USP34: variants seen among roughly 807,000 people sequenced by gnomAD.
USP34 encodes the protein ubiquitin carboxyl-terminal hydrolase 34.
USP34 carries 70 observed loss-of-function variants against 460.3 expected under a neutral mutation model. That is an observed-to-expected ratio of 0.15 (90% CI 0.13 to 0.19). The LOEUF (loss-of-function observed/expected upper bound fraction) is 0.19, where lower values mean the gene tolerates loss of function less well. Ranked by LOEUF, USP34 falls within the 10% of genes least tolerant of loss-of-function variation. The pLI, the probability that USP34 is intolerant of heterozygous loss-of-function variation, is 1.00. For missense variants in USP34, 3,985 were observed against 4,236.2 expected, an observed-to-expected ratio of 0.94 and a Z score of 1.65; for synonymous variants, 1,647 against 1,405.3, an observed-to-expected ratio of 1.17 and a Z score of -3.85.
intron 5 of USP34, among the ~76,000 whole-genome samples, chr2:61,391,109 A>T (rs530115704): frequency 7.9e-4 from 120 of 151,818 alleles, no homozygotes; most frequent in African/African-American, 2.8e-3. Context: ...AAAAACGAAA[A>T]AATAACACTC....
At position 61,223,042 on chromosome 2, in the gene USP34, C is replaced by A. The variant is rs1432745936; in HGVS notation, c.7749+18G>T. ...TTAAAATTTCCAAAAATCTTTAAGA[C>A]TGTTCCTTAGCACTTACATGTTCTG... On this transcript the variant is annotated intron_variant, in intron 64 of 79. Transcript: ENST00000398571. 2.5e-6 allele frequency: 4 copies of A among 1,596,294 alleles called. No homozygotes were observed. In the Admixed American group the frequency reaches 5.2e-5, roughly 21 times the overall value.
At chr2:61,303,410 A>G (rs1690291372) in intron 27 of USP34, among the ~76,000 whole-genome samples, 2 of 152,062 alleles carry the variant, frequency 1.3e-5, no homozygotes, top group African/African-American at 4.8e-5. Context: ...TACTTGATTT[A>G]GTGTCCTATT....
intron 7 of USP34, among the ~76,000 whole-genome samples, chr2:61,379,725 T>A (rs1359787045): frequency 6.6e-6 from 1 of 152,212 alleles, no homozygotes; most frequent in African/African-American, 2.4e-5. Context: ...GAATACAGAT[T>A]TTCATGTTAC....
At chr2:61,412,393 G>T (rs1195085317) in intron 2 of USP34, among the ~76,000 whole-genome samples, 4 of 151,904 alleles carry the variant, frequency 2.6e-5, no homozygotes, top group Non-Finnish European at 1.5e-5. Context: ...ACACAACAGG[G>T]CATTTTTTGG....
intron 61 of USP34, among the ~76,000 whole-genome samples, chr2:61,227,519 T>A (rs1174227003): frequency 6.6e-6 from 1 of 152,120 alleles, no homozygotes. Context: ...GAGAACAGCC[T>A]GGCCGACATG....
chr2:61,426,557 G>T (rs1219580170), intron 1 of USP34, among the ~76,000 whole-genome samples: 1 of 152,180 alleles, frequency 6.6e-6, no homozygotes, highest in Non-Finnish European at 1.5e-5. Context: ...TGCCAGCTCA[G>T]CCACAATACA....
rs759319975 is a variant in USP34 at position 61,353,878 on chromosome 2, C to T, written c.1252-3185G>A. Among the ~76,000 whole-genome samples the T allele has an allele frequency of 4.5e-4, 68 of 152,200 alleles. 1 individual carries two copies. The highest frequency in any genetic ancestry group is 3.4e-3 in the Middle Eastern group (1 of 294). ...ATTATGGAAATGAAAGGTACAACAACTGAAATGAACAATACACTACACAAG... is the reference window on the plus strand; with the variant it reads ...ATTATGGAAATGAAAGGTACAACAATTGAAATGAACAATACACTACACAAG... On this transcript the variant is annotated intron_variant, in intron 10 of 79. Transcript: ENST00000398571.
intron 71 of USP34, 92 bp downstream of exon 71, chr2:61,206,668 T>C: frequency 6.7e-7 from 1 of 1,493,840 alleles, no homozygotes; most frequent in South Asian, 1.3e-5. Flanking sequence ...TAAACTAGGA[T>C]AAAAACAATT....
At chr2:61,356,892 A>G (rs59477558) in intron 10 of USP34, among the ~76,000 whole-genome samples, 5,289 of 152,312 alleles carry the variant, frequency 0.035, 305 homozygotes, top group African/African-American at 0.12. Context: ...AAGTGTTTTC[A>G]TAAGTTTACT....
intron 11 of USP34, 40 bp downstream of exon 11, chr2:61,350,528 A>G (rs770870599): frequency 6.4e-7 from 1 of 1,569,480 alleles, no homozygotes; most frequent in South Asian, 1.2e-5. Context: ...TTTTCACTTC[A>G]CGGGAAAAAA....
At chr2:61,446,522 G>T (rs182864781) in intron 1 of USP34, among the ~76,000 whole-genome samples, 1 of 152,146 alleles carries the variant, frequency 6.6e-6, no homozygotes, top group Non-Finnish European at 1.5e-5. Flanking sequence ...TAGGCTGGGC[G>T]TGGTAGCTCA....
chr2:61,300,422 C>G (rs1690183778), intron 29 of USP34, among the ~76,000 whole-genome samples: 1 of 150,984 alleles, frequency 6.6e-6, no homozygotes, highest in Non-Finnish European at 1.5e-5. Flanking sequence ...CTCCTGACCT[C>G]GTGATCTGCC....
At chr2:61,229,017 C>A (rs1424854930) in intron 59 of USP34, 22 bp from the exon 60 acceptor site, 6 of 1,513,866 alleles carry the variant, frequency 4.0e-6, no homozygotes, top group Non-Finnish European at 5.3e-6. Context: ...TTAAATAGAT[C>A]TTAGAGAATG....
chr2:61,320,046 G>A (rs1690868099), intron 21 of USP34, among the ~76,000 whole-genome samples: 2 of 152,166 alleles, frequency 1.3e-5, no homozygotes, highest in South Asian at 4.2e-4. Context: ...ACACACTAAG[G>A]AGCACTTCCT....
rs1347427285 is a variant in USP34 at position 61,266,086 on chromosome 2, A to G, written c.5515T>C (p.Ser1839Pro). 6.2e-7 allele frequency: 1 copy of G among 1,614,058 alleles called. No individual in the cohort carries two copies. Among genetic ancestry groups the G allele is most frequent in the Admixed American group, 1.7e-5 (1 of 60,024 alleles). The stretch of plus-strand genomic sequence containing the variant: ...AAATCGTAAGCGGCAGCTCTTGAAG[A>G]ATGTGATTTGCACTTTGGCTGTTGT... ...DRQQPKCKSH[S>P]SRAAAYDLLV... is the part of the protein sequence containing the mutation. Residue 1839 changes from serine to proline, a missense_variant, in exon 42 of 80, where the codon TCT becomes CCT. Physicochemically the swap from Ser to Pro is moderately conservative, Grantham distance 74. This residue lies in a region of USP34 where 1,114 missense variants were observed against 1,122.5 expected (regional missense o/e 0.99). Transcript: ENST00000398571.
At chr2:61,431,386 C>G (rs1466926768) in intron 1 of USP34, among the ~76,000 whole-genome samples, 1 of 152,148 alleles carries the variant, frequency 6.6e-6, no homozygotes, top group Non-Finnish European at 1.5e-5. Flanking sequence ...CCACACTCAA[C>G]TAATTATTAA....
chr2:61,262,250 G>A (rs571566273), intron 43 of USP34, among the ~76,000 whole-genome samples: 6 of 150,012 alleles, frequency 4.0e-5, no homozygotes, highest in Admixed American at 2.0e-4. Flanking sequence ...TAGGTAAACC[G>A]TGTGTCACGT....
At chr2:61,342,852 T>C (rs1241114486) in intron 16 of USP34, among the ~76,000 whole-genome samples, 2 of 152,210 alleles carry the variant, frequency 1.3e-5, no homozygotes, top group African/African-American at 4.8e-5. Flanking sequence ...AGGTAAAATA[T>C]TGATTAAAGG....
chr2:61,301,127 C>T lies in USP34; in HGVS notation c.3952G>A (p.Glu1318Lys). ...AGCTGAACACCTTCCCCTTTCCGCT[C>T]TCTCCTTGGTGCACCCAAAGATACA... Reference protein sequence around the residue: ...VFVSLGAPRRERKGEGVQLPA... With the variant: ...VFVSLGAPRRKRKGEGVQLPA... The change falls in exon 29 of 80, where the codon GAG becomes AAG. Residue 1318 changes from glutamate (E) to lysine (K), a missense_variant. Physicochemically the swap from Glu to Lys is moderately conservative, Grantham distance 56. Transcript: ENST00000398571. 3 of 1,613,660 alleles carry T rather than the reference C, an allele frequency of 1.9e-6. No individual in the cohort carries two copies. The highest frequency in any genetic ancestry group is 2.5e-6 in the Non-Finnish European group (3 of 1,179,896).
Sources: gnomAD v4.1 joint callset for allele counts (sites outside exome capture counted in the v4.1 genomes callset) on GRCh38, gnomAD v4.1.1 for gene constraint, gnomAD v4.1.1 regional missense constraint, MANE v1.5 for transcripts, NCBI Gene and HGNC (gene_info 2026-07-23, HGNC 2026-07-21) for gene names.